Variants in TCHP observed in about 807,000 individuals in gnomAD.
TCHP encodes trichoplein keratin filament-binding protein.
A neutral mutation model predicts 88.7 loss-of-function variants in TCHP; 81 were observed. The observed-to-expected ratio is 0.91, with a 90% CI of 0.76 to 1.10. The LOEUF is 1.10. Among genes scored for constraint, TCHP ranks in the 50% least tolerant of loss-of-function variants. TCHP has a pLI of 0.00. For synonymous variants in TCHP, 232 were observed against 232.5 expected, an observed-to-expected ratio of 1.00 and a Z score of 0.02; for missense variants, 641 against 632.1, an observed-to-expected ratio of 1.01 and a Z score of -0.15.
chr12:109,892,541 G>T, the TCHP span, among the ~76,000 whole-genome samples: 4 of 152,190 alleles, frequency 2.6e-5, no homozygotes, highest in African/African-American at 7.2e-5. Flanking sequence ...CTCTGATGTG[G>T]TCTACCAGTC....
rs1565913299 is a variant in TCHP at position 109,913,060 on chromosome 12, A to T, written c.1122A>T (p.Arg374Ser). 6.2e-7 allele frequency: 1 copy of T among 1,613,864 alleles called. No individual in the cohort carries two copies. The highest frequency in any genetic ancestry group is 8.5e-7 in the Non-Finnish European group (1 of 1,180,000). ...CCCGAGAGCGCAGCGCACGGGACAG[A>T]CTGATGAGCGAGGTAATCCCAGCTG... Reference protein sequence around the residue: ...EWARERSARDRLMSEVLTGRQ... With the variant: ...EWARERSARDSLMSEVLTGRQ... The change falls in exon 10 of 13, where the codon AGA becomes AGT. Residue 374 changes from arginine to serine, a missense_variant. Physicochemically the swap from Arg to Ser is moderately radical, Grantham distance 110. Transcript: ENST00000405876.
chr12:109,883,031 T>C, the TCHP span, among the ~76,000 whole-genome samples: 2 of 148,154 alleles, frequency 1.3e-5, no homozygotes, highest in South Asian at 2.1e-4. Flanking sequence ...GAATGTTTTC[T>C]TTTTTTTTTC....
Position 109,907,837 on chromosome 12 carries a change from C to G in TCHP, c.699+138C>G, listed in dbSNP as rs570349102. ...AAGGGCGGCAGCAGCCGGGTTCTCC[C>G]TCTCACATGCATCCCCATCTGCCTT... On this transcript the variant is annotated intron_variant, in intron 6 of 12. Coordinates refer to ENST00000405876, the MANE Select transcript of TCHP (RefSeq NM_001143852.2). The G allele has an allele frequency of 3.4e-5, 30 of 881,426 alleles. No individual in the cohort carries two copies. The East Asian group carries it at 6.4e-4, about 19-fold the overall frequency. 54.6% of individuals were successfully genotyped at this position (881,426 alleles called of 1,614,324 possible).
chr12:109,900,046 G>A (rs971334439), upstream of TCHP, among the ~76,000 whole-genome samples: 5 of 152,164 alleles, frequency 3.3e-5, no homozygotes, highest in South Asian at 6.2e-4. Context: ...CAGGTTTGAG[G>A]ACCACTGACT....
chr12:109,890,511 A>T, the TCHP span, among the ~76,000 whole-genome samples: 4 of 137,398 alleles, frequency 2.9e-5, no homozygotes, highest in South Asian at 2.4e-4. Flanking sequence ...TCTTTTTTCT[A>T]TTTTTTTTTT....
chr12:109,904,647 A>G (rs1227696129), intron 3 of TCHP, 90 bp from the exon 4 acceptor site: 6 of 1,202,518 alleles, frequency 5.0e-6, no homozygotes, highest in South Asian at 1.3e-5. Context: ...AGGCACTCAT[A>G]GCCTGAGCTG....
At chr12:109,894,721 C>T in the TCHP span, among the ~76,000 whole-genome samples, 526 of 142,922 alleles carry the variant, frequency 3.7e-3, 6 homozygotes, top group African/African-American at 0.013. Context: ...GCCAAGATCG[C>T]GCCATTGCAC....
chr12:109,907,081 G>T (rs1359075855), intron 5 of TCHP, among the ~76,000 whole-genome samples: 1 of 152,184 alleles, frequency 6.6e-6, no homozygotes, highest in Non-Finnish European at 1.5e-5. Context: ...TAGAGATGGG[G>T]TCTTGCTCTG....
chr12:109,904,740 G>C lies in TCHP; in HGVS notation c.403G>C (p.Ala135Pro). The C allele has an allele frequency of 1.9e-6, 3 of 1,611,030 alleles. No homozygotes were observed. The highest frequency in any genetic ancestry group is 2.5e-6 in the Non-Finnish European group (3 of 1,179,280). ...CCATTTTGTGTTTTCTTGATAGATT[G>C]CTGAACAACTTTTGTACGAACACTG... The part of the protein sequence containing the change: ...SAKEEQRKLI[A>P]EQLLYEHWKK... The change falls in exon 4 of 13, where the codon GCT becomes CCT. Residue 135 changes from alanine (A) to proline (P), a missense_variant. Coordinates refer to ENST00000405876, the MANE Select transcript of TCHP (RefSeq NM_001143852.2).
At chr12:109,912,282 A>G (rs1870546608) in intron 9 of TCHP, among the ~76,000 whole-genome samples, 1 of 152,152 alleles carries the variant, frequency 6.6e-6, no homozygotes, top group African/African-American at 2.4e-5. Context: ...CATCCAGCCA[A>G]GTGGTGGCTT....
intron 9 of TCHP, among the ~76,000 whole-genome samples, chr12:109,912,403 A>G (rs1006862162): frequency 3.9e-5 from 6 of 152,132 alleles, no homozygotes; most frequent in Admixed American, 3.9e-4. Flanking sequence ...CCATGTTCTG[A>G]TGGTTTCATT....
At chr12:109,892,754 T>C in the TCHP span, among the ~76,000 whole-genome samples, 1 of 152,132 alleles carries the variant, frequency 6.6e-6, no homozygotes, top group Non-Finnish European at 1.5e-5. Context: ...GTAAAGACCA[T>C]CAGAGTGCTC....
At chr12:109,897,034 A>C (rs1292594429), upstream of TCHP, among the ~76,000 whole-genome samples, 1 of 152,246 alleles carries the variant, frequency 6.6e-6, no homozygotes, top group Non-Finnish European at 1.5e-5. Flanking sequence ...CTTGTGTTGC[A>C]GCAAGAGGGC....
chr12:109,891,796 G>T, the TCHP span, among the ~76,000 whole-genome samples: 22 of 151,026 alleles, frequency 1.5e-4, no homozygotes, highest in Non-Finnish European at 1.3e-4. Context: ...TGAAAACTCT[G>T]CCTCTCAGGT....
At chr12:109,914,762 C>G (rs1870705911) in intron 11 of TCHP, 135 bp downstream of exon 11, 1 of 666,008 alleles carries the variant, frequency 1.5e-6, no homozygotes, top group South Asian at 1.9e-5. Context: ...CGTTTCCATC[C>G]CAGCTGCAGT....
At chr12:109,895,418 C>G (rs1325463376), upstream of TCHP, among the ~76,000 whole-genome samples, 3 of 151,854 alleles carry the variant, frequency 2.0e-5, no homozygotes, top group Admixed American at 6.6e-5. Flanking sequence ...GGGGGTCTCT[C>G]TATATTGCCA....
upstream of TCHP, among the ~76,000 whole-genome samples, chr12:109,896,643 C>G (rs578213514): frequency 6.6e-6 from 1 of 152,010 alleles, no homozygotes; most frequent in Non-Finnish European, 1.5e-5. Flanking sequence ...TGATTGAGGC[C>G]GGGCATGGTG....
intron 10 of TCHP, among the ~76,000 whole-genome samples, chr12:109,913,387 C>T (rs747370879): frequency 1.3e-5 from 2 of 152,210 alleles, no homozygotes; most frequent in African/African-American, 2.4e-5. Flanking sequence ...TATTTGGCTT[C>T]AAGCGTTGTG....
At chr12:109,899,552 C>T (rs1044494333), upstream of TCHP, among the ~76,000 whole-genome samples, 1 of 152,086 alleles carries the variant, frequency 6.6e-6, no homozygotes, top group Non-Finnish European at 1.5e-5. Flanking sequence ...GCAGGGTAAT[C>T]GCTTGAACCC....
Sources: gnomAD v4.1 joint callset for allele counts (sites outside exome capture counted in the v4.1 genomes callset) on GRCh38, gnomAD v4.1.1 for gene constraint, MANE v1.5 for transcripts, NCBI Gene and HGNC (gene_info 2026-07-23, HGNC 2026-07-21) for gene names.